The following CALCR variants were observed in gnomAD, a reference collection of about 807,000 sequenced individuals.
CALCR encodes calcitonin receptor.
Under a neutral mutation model 59.5 loss-of-function variants are expected in CALCR, and 47 were observed. The ratio of observed to expected loss-of-function variants is 0.79; its 90% confidence interval spans 0.63 to 1.01. CALCR has a LOEUF of 1.01. Among genes scored for constraint, CALCR ranks in the 50% least tolerant of loss-of-function variants. The probability of loss-of-function intolerance (pLI) is 0.00; values close to 1 mark genes in which losing one functional copy is unlikely to be tolerated. For missense variants in CALCR, 566 were observed against 597.1 expected (o/e 0.95, Z 0.54); for synonymous variants, 213 against 211.3 (o/e 1.01, Z -0.07).
intron 2 of CALCR, among the ~76,000 whole-genome samples, chr7:93,516,578 T>TA (rs921224410): frequency 4.0e-5 from 6 of 151,474 alleles, no homozygotes; most frequent in Admixed American, 6.6e-5. Context: ...TATCCTAGAA[T>TA]AAAAAACAAA....
chr7:93,460,796 A>G (rs764850001), intron 8 of CALCR, 25 bp downstream of exon 8: 40 of 1,552,234 alleles, frequency 2.6e-5, no homozygotes, highest in Non-Finnish European at 3.1e-5. Flanking sequence ...AAATAAAAGT[A>G]AAAACAAAAC....
intron 13 of CALCR, among the ~76,000 whole-genome samples, chr7:93,428,786 CAAAA>C (rs562182322): frequency 6.0e-5 from 5 of 83,948 alleles, no homozygotes; most frequent in Middle Eastern, 5.7e-3. Flanking sequence ...GACTCCGTCT[CAAAA>C]AAAAAAAAAA....
chr7:93,536,383 G>A (rs753210494), intron 2 of CALCR, among the ~76,000 whole-genome samples: 4 of 151,658 alleles, frequency 2.6e-5, no homozygotes, highest in East Asian at 1.9e-4. Flanking sequence ...AAATGTTAAC[G>A]TGTCCTATTG....
chr7:93,443,821 A>G (rs1204457589), intron 8 of CALCR, 64 bp from the exon 9 acceptor site: 3 of 1,459,904 alleles, frequency 2.1e-6, no homozygotes, highest in Non-Finnish European at 2.8e-6. Flanking sequence ...GGGAGCACAG[A>G]GCAAATGTGA....
At chr7:93,524,174 C>CT (rs376632123) in intron 2 of CALCR, among the ~76,000 whole-genome samples, 3,531 of 139,938 alleles carry the variant, frequency 0.025, 53 homozygotes, top group Non-Finnish European at 0.036. Context: ...ATTTTTTTTT[C>CT]TTTTTTTTTT....
chr7:93,503,732 C>T (rs1212635652), intron 2 of CALCR, among the ~76,000 whole-genome samples: 4 of 152,068 alleles, frequency 2.6e-5, no homozygotes, highest in African/African-American at 9.7e-5. Context: ...GGAGGTTATA[C>T]TTGTCTCACC....
intron 2 of CALCR, among the ~76,000 whole-genome samples, chr7:93,519,648 G>T (rs186169877): frequency 6.6e-6 from 1 of 151,918 alleles, no homozygotes; most frequent in Non-Finnish European, 1.5e-5. Flanking sequence ...CTGTGATATG[G>T]TTAGGCTCTG....
chr7:93,516,378 A>G (rs1239289253), intron 2 of CALCR, among the ~76,000 whole-genome samples: 1 of 151,950 alleles, frequency 6.6e-6, no homozygotes, highest in Non-Finnish European at 1.5e-5. Context: ...AATTTATTCT[A>G]AGAAAATAAT....
At chr7:93,456,017 T>C (rs1272330156) in intron 8 of CALCR, among the ~76,000 whole-genome samples, 1 of 152,144 alleles carries the variant, frequency 6.6e-6, no homozygotes, top group Non-Finnish European at 1.5e-5. Flanking sequence ...ATGTTGCTTG[T>C]ATATGGAGGA....
At chr7:93,526,281 A>G (rs1266456119) in intron 2 of CALCR, among the ~76,000 whole-genome samples, 11 of 152,116 alleles carry the variant, frequency 7.2e-5, no homozygotes, top group Non-Finnish European at 1.5e-4. Flanking sequence ...CACAGCATGG[A>G]TGAGATACCA....
chr7:93,435,508 G>A (rs1438550486), intron 12 of CALCR, among the ~76,000 whole-genome samples: 1 of 152,082 alleles, frequency 6.6e-6, no homozygotes, highest in Non-Finnish European at 1.5e-5. Flanking sequence ...AGGCTTAAAT[G>A]TTATGACATT....
intron 12 of CALCR, 148 bp downstream of exon 12, chr7:93,435,804 T>C (rs1357377561): frequency 6.1e-6 from 1 of 164,422 alleles, no homozygotes; most frequent in Non-Finnish European, 1.0e-5. Context: ...AGACTCTGTG[T>C]CAAAAAAAAT....
chr7:93,527,328 CATATT>C (rs1413029788), intron 2 of CALCR, among the ~76,000 whole-genome samples: 5 of 151,488 alleles, frequency 3.3e-5, no homozygotes, highest in Non-Finnish European at 5.9e-5. Context: ...ATATGTAATA[CATATT>C]ATATGTTATT....
intron 8 of CALCR, among the ~76,000 whole-genome samples, chr7:93,456,560 C>T (rs1800212213): frequency 6.6e-6 from 1 of 152,086 alleles, no homozygotes; most frequent in African/African-American, 2.4e-5. Flanking sequence ...GGGGATGTCA[C>T]AGATATGTTT....
chr7:93,454,922 G>GTA (rs1312205963), intron 8 of CALCR, among the ~76,000 whole-genome samples: 3 of 142,464 alleles, frequency 2.1e-5, no homozygotes, highest in African/African-American at 7.8e-5. Context: ...CATTTTGTGT[G>GTA]TGTGTGTGTG....
intron 2 of CALCR, among the ~76,000 whole-genome samples, chr7:93,516,213 T>C (rs1801647032): frequency 6.6e-6 from 1 of 151,938 alleles, no homozygotes; most frequent in South Asian, 2.1e-4. Flanking sequence ...TTCAAAACCA[T>C]GATAATCCCA....
chr7:93,553,042 C>T (rs964409890), intron 2 of CALCR, among the ~76,000 whole-genome samples: 1 of 152,194 alleles, frequency 6.6e-6, no homozygotes, highest in African/African-American at 2.4e-5. Flanking sequence ...CACCTGACCT[C>T]ACACCTTCTT....
chr7:93,507,629 C>G (rs1184136815), intron 2 of CALCR, among the ~76,000 whole-genome samples: 1 of 150,784 alleles, frequency 6.6e-6, no homozygotes, highest in Non-Finnish European at 1.5e-5. Context: ...AAAAGAAGGT[C>G]AGGCGCAGTG....
rs1484592143 is a variant in CALCR, at chr7:93,477,590, C to T, written c.284G>A (p.Cys95Tyr). 1.2e-6 allele frequency: 2 copies of T among 1,611,164 alleles called. No homozygotes were observed. The highest frequency in any genetic ancestry group is 3.3e-5 in the Admixed American group (2 of 59,782). Reference sequence around the variant, plus strand: ...ATCAAAATCCGGAAAATAATCTGGGCAGAACTGATAGGACAATACTCCAGC... The same window carrying T: ...ATCAAAATCCGGAAAATAATCTGGGTAGAACTGATAGGACAATACTCCAGC... ...TPAGVLSYQF[C>Y]PDYFPDFDPS... The change falls in exon 5 of 14, where the codon TGC (cysteine) becomes TAC (tyrosine). Residue 95 changes from cysteine to tyrosine, a missense_variant. Transcript: ENST00000426151.
Sources: gnomAD v4.1 joint callset for allele counts (sites outside exome capture counted in the v4.1 genomes callset) on GRCh38, gnomAD v4.1.1 for gene constraint, MANE v1.5 for transcripts, NCBI Gene and HGNC (gene_info 2026-07-23, HGNC 2026-07-21) for gene names.